VPS35L: variants seen among roughly 807,000 people sequenced by gnomAD.
The protein encoded by VPS35L is VPS35 endosomal protein sorting factor like.
A neutral mutation model predicts 133.0 loss-of-function variants in VPS35L; 83 were observed. The observed-to-expected ratio is 0.62, with a 90% CI of 0.52 to 0.75. The LOEUF (loss-of-function observed/expected upper bound fraction) is 0.75, where lower values mean the gene tolerates loss of function less well. Ranked by LOEUF, VPS35L falls within the 30% of genes least tolerant of loss-of-function variation. VPS35L has a pLI of 0.00. For synonymous variants in VPS35L, 423 were observed against 449.9 expected (o/e 0.94, Z 0.76); for missense variants, 1,083 against 1,206.8 (o/e 0.90, Z 1.52).
chr16:19,568,332 A>T, intron 2 of VPS35L, among the ~76,000 whole-genome samples: 1 of 147,918 alleles, frequency 6.8e-6, no homozygotes. Context: ...ACAGGGTCTC[A>T]CTGTATCGCC....
intron 3 of VPS35L, among the ~76,000 whole-genome samples, chr16:19,569,996 A>G (rs746807292): frequency 6.6e-6 from 1 of 152,128 alleles, no homozygotes; most frequent in Non-Finnish European, 1.5e-5. Flanking sequence ...GGTCATCCTG[A>G]CATGAGAGGC....
chr16:19,611,008 C>A (rs1482273914), intron 12 of VPS35L, among the ~76,000 whole-genome samples: 1 of 151,922 alleles, frequency 6.6e-6, no homozygotes, highest in African/African-American at 2.4e-5. Flanking sequence ...TATGGTCTTT[C>A]TTTTTTTTGG....
At position 19,633,947 on chromosome 16, in the gene VPS35L, C is replaced by T. The variant is rs1004679144; in HGVS notation, c.1635+775C>T. Among the ~76,000 whole-genome samples, 7 of 151,822 alleles carry T rather than the reference C, an allele frequency of 4.6e-5. No individual in the cohort carries two copies. The highest frequency in any genetic ancestry group is 2.0e-4 in the East Asian group (1 of 5,112). On this transcript the variant is annotated intron_variant, in intron 19 of 30. Transcript: ENST00000417362. The surrounding 1 kb of genome is among the most constrained non-coding windows in gnomAD (Gnocchi z 4.1). ...TTCACCGCGTTAGCCAGGGTGGTCTCGATGTCCTGACTTCGTGATCCACCC... is the reference window on the plus strand; with the variant it reads ...TTCACCGCGTTAGCCAGGGTGGTCTTGATGTCCTGACTTCGTGATCCACCC...
chr16:19,569,114 T>TA (rs1358062305), intron 2 of VPS35L: 2 of 519,054 alleles, frequency 3.9e-6, no homozygotes, highest in Non-Finnish European at 7.2e-6. Flanking sequence ...TTTTGCTACT[T>TA]ATATTGAGTT....
At chr16:19,584,747 A>G (rs920873194) in intron 7 of VPS35L, among the ~76,000 whole-genome samples, 7 of 151,040 alleles carry the variant, frequency 4.6e-5, no homozygotes, top group Admixed American at 6.6e-5. Flanking sequence ...GTGACTAGTC[A>G]CAGGCATGAT....
At position 19,616,611 on chromosome 16, in the gene VPS35L, CTG is replaced by C; in HGVS notation, c.1102-72_1102-71del. On this transcript the variant is annotated intron_variant, in intron 13 of 30. Transcript: ENST00000417362. ...CCACATGCTTACAAGTATGCACAGTCTGTGAGTTGTGTATGTTTTGTTTGTTG... is the reference window on the plus strand; with the variant it reads ...CCACATGCTTACAAGTATGCACAGTCTGAGTTGTGTATGTTTTGTTTGTTG... 7.1e-6 allele frequency: 11 copies of C among 1,549,946 alleles called. No homozygotes were observed. In the South Asian group the frequency reaches 1.3e-4, roughly 19 times the overall value.
chr16:19,605,889 GGATC>G (rs66913320), intron 9 of VPS35L, among the ~76,000 whole-genome samples: 51,332 of 151,870 alleles, frequency 0.34, 9,420 homozygotes, highest in Non-Finnish European at 0.41. Context: ...CATGAAGATA[GGATC>G]TACCTTGTGC....
intron 26 of VPS35L, among the ~76,000 whole-genome samples, chr16:19,666,750 C>T (rs55672624): frequency 0.049 from 7,392 of 152,108 alleles, 282 homozygotes; most frequent in Non-Finnish European, 0.069. Context: ...ATTTGCATTC[C>T]CACTGAGAAC....
intron 29 of VPS35L, among the ~76,000 whole-genome samples, chr16:19,696,874 A>G (rs7187976): frequency 0.34 from 52,216 of 152,092 alleles, 13,977 homozygotes; most frequent in African/African-American, 0.75. Flanking sequence ...GCCTCTCTCC[A>G]AGGAGACTTT....
chr16:19,655,118 T>C (rs1974256445), intron 26 of VPS35L, among the ~76,000 whole-genome samples: 1 of 152,116 alleles, frequency 6.6e-6, no homozygotes, highest in African/African-American at 2.4e-5. Flanking sequence ...AACAGCCCCA[T>C]ATACTGTGCA....
intron 17 of VPS35L, among the ~76,000 whole-genome samples, 163 bp downstream of exon 17, chr16:19,628,916 C>T (rs1437537855): frequency 1.3e-5 from 2 of 152,064 alleles, no homozygotes; most frequent in South Asian, 2.1e-4. Context: ...CTCAGCCTCC[C>T]GAGTAGCTGG....
At chr16:19,675,065 A>G (rs539375187) in intron 27 of VPS35L, among the ~76,000 whole-genome samples, 8 of 150,912 alleles carry the variant, frequency 5.3e-5, no homozygotes, top group African/African-American at 1.7e-4. Context: ...TATTGTCCCA[A>G]CTCAGCCTCT....
chr16:19,683,449 C>T (rs1414596443), intron 28 of VPS35L, among the ~76,000 whole-genome samples: 1 of 152,182 alleles, frequency 6.6e-6, no homozygotes, highest in Non-Finnish European at 1.5e-5. Context: ...TGTCCCCTCC[C>T]CTTCCTCCCC....
intron 15 of VPS35L, among the ~76,000 whole-genome samples, chr16:19,627,460 A>G (rs778089537): frequency 9.2e-5 from 14 of 152,152 alleles, no homozygotes; most frequent in Non-Finnish European, 1.8e-4. Context: ...CCACCCTGCC[A>G]TCTAGCCATC....
In VPS35L at chr16:19,635,082, A is replaced by G. The variant is rs1973583851; in HGVS notation, c.1635+1910A>G. ...TGGCCAGGCTCCATGGCTCACACCTATAATTCCAGACTTTGGGAGGCTGAG... is the reference window on the plus strand; with the variant it reads ...TGGCCAGGCTCCATGGCTCACACCTGTAATTCCAGACTTTGGGAGGCTGAG... On this transcript the variant is annotated intron_variant, in intron 19 of 30. Transcript: ENST00000417362. Among the ~76,000 whole-genome samples the G allele has an allele frequency of 2.0e-5, 3 of 152,148 alleles. No homozygotes were observed. In the South Asian group the frequency reaches 6.2e-4, roughly 32 times the overall value.
At chr16:19,615,342 A>G (rs16972263) in intron 12 of VPS35L, among the ~76,000 whole-genome samples, 9,755 of 152,170 alleles carry the variant, frequency 0.064, 598 homozygotes, top group African/African-American at 0.15. Context: ...TATAAAAGCA[A>G]TACATGTTTA....
In VPS35L at chr16:19,555,717, T is replaced by C. The variant is rs759110253; in HGVS notation, c.-13T>C. ...CAGACGGCCCCAGAACAAGCGGTCA[T>C]GTGACTGGGAAGATGGCCGTCTTTC... is the stretch of plus-strand genomic sequence containing the variant. On this transcript the variant is annotated 5_prime_UTR_variant, in exon 1 of 31. It removes an upstream start codon present in the reference 5' UTR. Transcript: ENST00000417362. The C allele has an allele frequency of 9.4e-6, 15 of 1,601,920 alleles. No individual in the cohort carries two copies. Among genetic ancestry groups the C allele is most frequent in the South Asian group, 4.5e-5 (4 of 89,836 alleles).
chr16:19,630,641 A>C (rs1454166309), intron 18 of VPS35L, among the ~76,000 whole-genome samples: 2 of 152,040 alleles, frequency 1.3e-5, no homozygotes, highest in African/African-American at 4.8e-5. Context: ...GCCAAGCCCT[A>C]AAAATTTAAG....
intron 12 of VPS35L, among the ~76,000 whole-genome samples, chr16:19,614,941 G>A (rs530745405): frequency 1.3e-5 from 2 of 152,294 alleles, no homozygotes; most frequent in Admixed American, 1.3e-4. Context: ...GGACCCAGTG[G>A]ATTATAGCAT....
Sources: allele counts gnomAD v4.1 joint callset (sites outside exome capture counted in the v4.1 genomes callset), GRCh38; gene constraint gnomAD v4.1.1; non-coding constraint Gnocchi (gnomAD v3.1); transcripts MANE v1.5; gene names NCBI Gene and HGNC (gene_info 2026-07-23, HGNC 2026-07-21).